The following GABRR3 variants were observed in gnomAD, a reference collection of about 807,000 sequenced individuals.
GABRR3 encodes the protein gamma-aminobutyric acid receptor subunit rho-3.
A neutral mutation model predicts 43.2 loss-of-function variants in GABRR3; 29 were observed. The ratio of observed to expected loss-of-function variants is 0.67; its 90% CI spans 0.50 to 0.92. The LOEUF (loss-of-function observed/expected upper bound fraction) is 0.92. Among genes scored for constraint, GABRR3 ranks in the 40% least tolerant of loss-of-function variants. The pLI, the probability that GABRR3 is intolerant of heterozygous loss-of-function variation, is 0.00. For missense variants in GABRR3, 576 were observed against 572.3 expected (o/e 1.01, Z -0.07); for synonymous variants, 206 against 195.9 (o/e 1.05, Z -0.43).
rs1706754239 is a variant in GABRR3 at position 98,008,814 on chromosome 3, AAAAAG to A, written c.613+137_613+141del. 9.0e-5 allele frequency: 37 copies of A among 412,446 alleles called. No individual in the cohort carries two copies. The South Asian group carries it at 1.7e-3, about 19-fold the overall frequency. The allele number at this position is 412,446 out of a possible 1,614,324, so 25.5% of individuals were successfully genotyped here. Reference sequence around the variant, plus strand: ...AACAGAAACCAAAAAAAAAAAAAAAAAAAAGAAGCCACAATTGTTTCAGTTTTGGA... The same window carrying A: ...AACAGAAACCAAAAAAAAAAAAAAAAAAGCCACAATTGTTTCAGTTTTGGA... On this transcript the variant is annotated intron_variant, in intron 6 of 9. Coordinates refer to ENST00000621172, the Ensembl canonical transcript of GABRR3.
chr3:98,031,411 A>T (rs565944394), intron 2 of GABRR3, among the ~76,000 whole-genome samples: 1 of 152,300 alleles, frequency 6.6e-6, no homozygotes, highest in East Asian at 1.9e-4. Context: ...TTTTGAAAAA[A>T]ATCAGAAAAT....
chr3:98,001,663 C>T (rs2107232136), exon 8 of GABRR3: 2 of 1,613,292 alleles, frequency 1.2e-6, no homozygotes, highest in South Asian at 1.1e-5. Context: ...CAAAATGAAA[C>T]CCATGAAAGC....
chr3:98,018,577 C>T (rs1231609628), intron 3 of GABRR3, among the ~76,000 whole-genome samples: 1 of 151,828 alleles, frequency 6.6e-6, no homozygotes, highest in African/African-American at 2.4e-5. Context: ...CAGTGTGAGT[C>T]GAAATTGATG....
chr3:98,026,486 T>C (rs1386790133), intron 2 of GABRR3, among the ~76,000 whole-genome samples: 1 of 152,110 alleles, frequency 6.6e-6, no homozygotes, highest in Non-Finnish European at 1.5e-5. Flanking sequence ...TACTTCTCAG[T>C]GATACTGTGG....
chr3:98,007,392 G>A (rs1332992116), intron 7 of GABRR3, among the ~76,000 whole-genome samples: 1 of 152,148 alleles, frequency 6.6e-6, no homozygotes, highest in Admixed American at 6.5e-5. Flanking sequence ...GGAAGTGGGT[G>A]AGTCCCACAT....
chr3:98,025,465 A>T, intron 3 of GABRR3, 102 bp downstream of exon 3: 1 of 684,788 alleles, frequency 1.5e-6, no homozygotes, highest in Non-Finnish European at 2.4e-6. Context: ...TTTTGTTTTA[A>T]ACTGATGGAC....
At chr3:98,030,963 C>A (rs924733833) in intron 2 of GABRR3, among the ~76,000 whole-genome samples, 1 of 152,196 alleles carries the variant, frequency 6.6e-6, no homozygotes, top group Non-Finnish European at 1.5e-5. Flanking sequence ...AATTTTTCAT[C>A]ACGAAGAAAA....
At chr3:97,985,740 T>A (rs1706376535), downstream of GABRR3, among the ~76,000 whole-genome samples, 1 of 152,164 alleles carries the variant, frequency 6.6e-6, no homozygotes, top group African/African-American at 2.4e-5. Flanking sequence ...ATGCGAGATG[T>A]TATTATTGAT....
chr3:98,017,764 T>C (rs1306351237), intron 3 of GABRR3, 42 bp from the exon 4 acceptor site: 3 of 1,355,628 alleles, frequency 2.2e-6, no homozygotes, highest in Non-Finnish European at 3.1e-6. Context: ...GAATGCATTA[T>C]AATCATTTTA....
At chr3:97,990,328 G>T (rs1706447036) in intron 9 of GABRR3, among the ~76,000 whole-genome samples, 1 of 152,110 alleles carries the variant, frequency 6.6e-6, no homozygotes, top group South Asian at 2.1e-4. Flanking sequence ...GGTGGATTTG[G>T]TTTGCCATCA....
chr3:97,994,806 A>C (rs1706514520), intron 8 of GABRR3, among the ~76,000 whole-genome samples: 1 of 152,280 alleles, frequency 6.6e-6, no homozygotes, highest in African/African-American at 2.4e-5. Context: ...CAGAGTGCAA[A>C]TTCTGTTCAG....
exon 9 of GABRR3, chr3:97,992,950 C>A: frequency 6.2e-7 from 1 of 1,613,658 alleles, no homozygotes; most frequent in South Asian, 1.1e-5. Flanking sequence ...AGGGAGCTGA[C>A]CCACAGGTAC....
intron 3 of GABRR3, among the ~76,000 whole-genome samples, chr3:98,021,311 G>A (rs2107246085): frequency 6.6e-6 from 1 of 152,298 alleles, no homozygotes. Flanking sequence ...TTGGGAGCCA[G>A]ATAAAAGCTC....
At chr3:98,012,470 A>C in exon 5 of GABRR3, 1 of 1,614,010 alleles carries the variant, frequency 6.2e-7, no homozygotes, top group Non-Finnish European at 8.5e-7. Flanking sequence ...CTTTCTGGTC[A>C]ATCTATGATC....
At chr3:97,985,327 G>C (rs534797988), downstream of GABRR3, among the ~76,000 whole-genome samples, 1 of 152,074 alleles carries the variant, frequency 6.6e-6, no homozygotes, top group Admixed American at 6.5e-5. Flanking sequence ...TGGTTTACTT[G>C]GTTCGACCAA....
At chr3:98,003,251 C>A (rs984033846) in intron 7 of GABRR3, among the ~76,000 whole-genome samples, 8 of 151,952 alleles carry the variant, frequency 5.3e-5, no homozygotes. Flanking sequence ...GACCTTACAA[C>A]TTTATATAAC....
At chr3:98,028,209 T>C (rs897239546) in intron 2 of GABRR3, among the ~76,000 whole-genome samples, 2 of 152,200 alleles carry the variant, frequency 1.3e-5, no homozygotes, top group African/African-American at 4.8e-5. Flanking sequence ...TACTCATTGC[T>C]GGAATAAAAC....
At chr3:98,028,449 G>T (rs1707048169) in intron 2 of GABRR3, among the ~76,000 whole-genome samples, 1 of 152,162 alleles carries the variant, frequency 6.6e-6, no homozygotes, top group African/African-American at 2.4e-5. Flanking sequence ...AAATTAATTA[G>T]GTTCTTCCTT....
chr3:98,032,935 A>T (rs1485251022), intron 2 of GABRR3, among the ~76,000 whole-genome samples: 3 of 152,178 alleles, frequency 2.0e-5, no homozygotes, highest in African/African-American at 7.2e-5. Flanking sequence ...CTGGGCAAAG[A>T]ACCTCACAGT....
Sources: gnomAD v4.1 joint callset for allele counts (sites outside exome capture counted in the v4.1 genomes callset) on GRCh38, gnomAD v4.1.1 for gene constraint, MANE v1.5 for transcripts, NCBI Gene and HGNC (gene_info 2026-07-23, HGNC 2026-07-21) for gene names.